The following WWOX variants were observed in gnomAD, a reference collection of about 807,000 sequenced individuals.
WWOX encodes the protein WW domain containing oxidoreductase, also known as WW domain-containing oxidoreductase.
Under a neutral mutation model 46.2 loss-of-function variants are expected in WWOX, and 69 were observed. That is an observed-to-expected ratio of 1.49 (90% CI 1.23 to 1.82). The LOEUF (loss-of-function observed/expected upper bound fraction) is 1.82. WWOX is among the 40% of genes most tolerant of loss of function. The probability of loss-of-function intolerance (pLI) is 0.00; values close to 1 mark genes in which losing one functional copy is unlikely to be tolerated. For missense variants in WWOX, 919 were observed against 542.6 expected (o/e 1.69, Z -6.89); for synonymous variants, 359 against 202.6 (o/e 1.77, Z -6.56).
In WWOX at chr16:78,337,676, C is replaced by A. The variant is rs368157286; in HGVS notation, c.517-49184C>A. Among the ~76,000 whole-genome samples, 82 of 152,262 alleles carry A rather than the reference C, an allele frequency of 5.4e-4. No individual in the cohort carries two copies. In the Middle Eastern group the frequency reaches 0.017, roughly 32 times the overall value. ...TAAAAGTACTATCTGGCCATGTCCT[C>A]ATTTCCCCAGCAAAGTCCTTCTGAG... On this transcript the variant is annotated intron_variant, in intron 5 of 8. Coordinates refer to ENST00000566780, the MANE Select transcript of WWOX (RefSeq NM_016373.4).
Position 78,678,631 on chromosome 16 carries a change from G to A in WWOX, c.1056+245879G>A, listed in dbSNP as rs553711311. On this transcript the variant is annotated intron_variant, in intron 8 of 8. Transcript: ENST00000566780. ...TACAGATCTGTAAAATATGAAAACA[G>A]GAAAACACATGGAGTCTTGGAGGGT... Among the ~76,000 whole-genome samples, 34 of 152,122 alleles carry A rather than the reference G, an allele frequency of 2.2e-4. 1 individual carries two copies. Among genetic ancestry groups the A allele is most frequent in the African/African-American group, 8.2e-4 (34 of 41,418 alleles).
At chr16:78,908,863 C>A (rs188895103) in intron 8 of WWOX, among the ~76,000 whole-genome samples, 1 of 152,248 alleles carries the variant, frequency 6.6e-6, no homozygotes, top group Admixed American at 6.5e-5. Context: ...TTCGGTTTTA[C>A]CATAGTGACA....
chr16:78,773,925 C>T (rs1458073381), intron 8 of WWOX, among the ~76,000 whole-genome samples: 1 of 152,148 alleles, frequency 6.6e-6, no homozygotes, highest in Non-Finnish European at 1.5e-5. Context: ...ACACAGTTTT[C>T]CCAGGCCCTT....
At chr16:79,091,304 T>A (rs1460042546) in intron 8 of WWOX, among the ~76,000 whole-genome samples, 1 of 152,180 alleles carries the variant, frequency 6.6e-6, no homozygotes, top group Non-Finnish European at 1.5e-5. Context: ...TTTCTCACCT[T>A]TTGCTATATG....
chr16:78,349,877 C>G (rs545283459), intron 5 of WWOX, among the ~76,000 whole-genome samples: 1 of 120,954 alleles, frequency 8.3e-6, no homozygotes, highest in East Asian at 1.9e-4. Flanking sequence ...GCTTTTGACT[C>G]AGTCTCATTC....
chr16:79,130,923 A>G (rs9646321), intron 8 of WWOX, among the ~76,000 whole-genome samples: 33,864 of 152,194 alleles, frequency 0.22, 3,961 homozygotes, highest in East Asian at 0.38. Flanking sequence ...CTGCATGCCA[A>G]CCGAAGAGAC....
intron 8 of WWOX, among the ~76,000 whole-genome samples, chr16:78,925,423 T>C (rs1490761519): frequency 1.3e-5 from 2 of 152,166 alleles, no homozygotes; most frequent in Admixed American, 1.3e-4. Context: ...TCCACGAAGT[T>C]CCATGGAATA....
At chr16:78,295,640 G>A (rs1450991555) in intron 5 of WWOX, among the ~76,000 whole-genome samples, 1 of 152,228 alleles carries the variant, frequency 6.6e-6, no homozygotes, top group Non-Finnish European at 1.5e-5. Flanking sequence ...GAACCCAGGA[G>A]ATGGTGGTTG....
At chr16:78,677,611 C>T (rs936224099) in intron 8 of WWOX, among the ~76,000 whole-genome samples, 7 of 152,172 alleles carry the variant, frequency 4.6e-5, no homozygotes, top group Non-Finnish European at 7.3e-5. Flanking sequence ...GTGTGGGACA[C>T]CTGACTTTCA....
intron 8 of WWOX, among the ~76,000 whole-genome samples, chr16:79,031,878 ACAG>A (rs2151396875): frequency 7.9e-5 from 4 of 50,518 alleles, no homozygotes; most frequent in South Asian, 9.4e-4. Context: ...ATATCTATAT[ACAG>A]ATATCTGTAT....
At chr16:78,597,870 C>T (rs1382121834) in intron 8 of WWOX, among the ~76,000 whole-genome samples, 2 of 150,832 alleles carry the variant, frequency 1.3e-5, no homozygotes, top group Admixed American at 1.3e-4. Context: ...GTGTTTATTC[C>T]CCTCGTCAGC....
At chr16:78,966,624 G>A (rs937709154) in intron 8 of WWOX, among the ~76,000 whole-genome samples, 1 of 151,976 alleles carries the variant, frequency 6.6e-6, no homozygotes, top group African/African-American at 2.4e-5. Flanking sequence ...AATAAATATA[G>A]TATGTATTAA....
At chr16:78,867,552 T>G (rs985473938) in intron 8 of WWOX, among the ~76,000 whole-genome samples, 1 of 151,900 alleles carries the variant, frequency 6.6e-6, no homozygotes, top group African/African-American at 2.4e-5. Flanking sequence ...TGTTTTTGTT[T>G]TTTTTTAAGA....
intron 8 of WWOX, among the ~76,000 whole-genome samples, chr16:79,006,901 C>T (rs979665641): frequency 6.6e-6 from 1 of 152,158 alleles, no homozygotes; most frequent in African/African-American, 2.4e-5. Flanking sequence ...AGTTTTGCAC[C>T]CACTGGATGA....
intron 8 of WWOX, among the ~76,000 whole-genome samples, chr16:78,645,534 G>A (rs1316593295): frequency 2.6e-5 from 4 of 152,072 alleles, no homozygotes; most frequent in African/African-American, 4.8e-5. Context: ...TGATGAGGGC[G>A]TCAGGCAGCT....
chr16:78,904,811 C>T (rs144948377), intron 8 of WWOX, among the ~76,000 whole-genome samples: 90 of 152,232 alleles, frequency 5.9e-4, no homozygotes, highest in African/African-American at 2.0e-3. Context: ...ACACTTAGTT[C>T]TATGTTACTG....
chr16:78,368,557 G>T (rs900522467), intron 5 of WWOX, among the ~76,000 whole-genome samples: 1 of 152,184 alleles, frequency 6.6e-6, no homozygotes, highest in Non-Finnish European at 1.5e-5. Context: ...CTCAAACCAA[G>T]GAGAAAAAGG....
chr16:78,409,410 T>C (rs2082623196), intron 6 of WWOX, among the ~76,000 whole-genome samples: 1 of 152,130 alleles, frequency 6.6e-6, no homozygotes, highest in African/African-American at 2.4e-5. Flanking sequence ...CATTGATCTT[T>C]TTTCTGTCCC....
chr16:78,365,156 G>A (rs1330001890), intron 5 of WWOX, among the ~76,000 whole-genome samples: 1 of 152,154 alleles, frequency 6.6e-6, no homozygotes, highest in Non-Finnish European at 1.5e-5. Flanking sequence ...AGATGCTGAG[G>A]TTGAGGGAAG....
Sources: allele counts gnomAD v4.1 joint callset (sites outside exome capture counted in the v4.1 genomes callset), GRCh38; gene constraint gnomAD v4.1.1; transcripts MANE v1.5; gene names NCBI Gene and HGNC (gene_info 2026-07-23, HGNC 2026-07-21).